SLC23A2: variants seen among roughly 807,000 people sequenced by gnomAD.
SLC23A2 encodes Na(+)/L-ascorbic acid transporter 2.
SLC23A2 carries 36 observed loss-of-function variants against 73.3 expected under a neutral mutation model. The observed-to-expected ratio is 0.49, with a 90% confidence interval of 0.38 to 0.65. The LOEUF is 0.65. Among genes scored for constraint, SLC23A2 ranks in the 30% least tolerant of loss-of-function variants. The pLI, the probability that SLC23A2 is intolerant of heterozygous loss-of-function variation, is 0.00. For missense variants in SLC23A2, 507 were observed against 841.6 expected, an observed-to-expected ratio of 0.60 and a Z score of 4.92; for synonymous variants, 343 against 327.3, an observed-to-expected ratio of 1.05 and a Z score of -0.52.
intron 1 of SLC23A2, among the ~76,000 whole-genome samples, chr20:4,974,336 G>A (rs754412744): frequency 2.0e-5 from 3 of 152,008 alleles, no homozygotes; most frequent in East Asian, 1.9e-4. Context: ...GCATGGTGGC[G>A]CATGCCTGTA....
intron 4 of SLC23A2, 90 bp downstream of exon 4, chr20:4,912,790 G>C: frequency 1.2e-6 from 1 of 827,400 alleles, no homozygotes. Flanking sequence ...ACATGCAAGT[G>C]TCTGAAAGGG....
chr20:4,887,800 C>T (rs1931165010), intron 6 of SLC23A2, among the ~76,000 whole-genome samples: 2 of 152,232 alleles, frequency 1.3e-5, no homozygotes, highest in South Asian at 2.1e-4. Context: ...CCGCCTGACA[C>T]AAGCTGTTAA....
At chr20:4,989,902 G>A (rs970786584) in intron 1 of SLC23A2, among the ~76,000 whole-genome samples, 1 of 152,028 alleles carries the variant, frequency 6.6e-6, no homozygotes, top group Non-Finnish European at 1.5e-5. Flanking sequence ...TAGCAGACAC[G>A]GTGCTATTAC....
chr20:4,971,645 G>T (rs907402920), intron 1 of SLC23A2, among the ~76,000 whole-genome samples: 2 of 150,268 alleles, frequency 1.3e-5, no homozygotes, highest in Admixed American at 6.6e-5. Flanking sequence ...AAATTATCTC[G>T]TCGTGGTGGC....
intron 10 of SLC23A2, 49 bp downstream of exon 10, chr20:4,874,527 T>C: frequency 6.4e-7 from 1 of 1,555,954 alleles, no homozygotes; most frequent in South Asian, 1.2e-5. Flanking sequence ...TCATCTTACA[T>C]ATTAACCAAG....
At chr20:4,977,512 C>G (rs1228406193) in intron 1 of SLC23A2, among the ~76,000 whole-genome samples, 1 of 151,418 alleles carries the variant, frequency 6.6e-6, no homozygotes, top group African/African-American at 2.4e-5. Context: ...CATGGTGAAA[C>G]CCTCCCATCC....
In SLC23A2 at chr20:4,902,105, G is replaced by A. The variant is rs768822546; in HGVS notation, c.324+337C>T. Among the ~76,000 whole-genome samples, 2 of 152,164 alleles carry A rather than the reference G, an allele frequency of 1.3e-5. No homozygotes were observed. The highest frequency in any genetic ancestry group is 2.9e-5 in the Non-Finnish European group (2 of 68,032). ...CAGCTCACTGCAACCTCAACCTCAAGCGATCCTCCTGCCTCAGCCTCTTGA... is the reference window on the plus strand; with the variant it reads ...CAGCTCACTGCAACCTCAACCTCAAACGATCCTCCTGCCTCAGCCTCTTGA... On this transcript the variant is annotated intron_variant, in intron 5 of 16. Transcript: ENST00000338244. This position sits in a 1 kb window ranked among gnomAD's most constrained non-coding sequence, Gnocchi z 4.0.
At chr20:5,000,473 A>C (rs2088100424) in intron 1 of SLC23A2, among the ~76,000 whole-genome samples, 1 of 152,006 alleles carries the variant, frequency 6.6e-6, no homozygotes, top group Non-Finnish European at 1.5e-5. Context: ...CTGCGCGCAG[A>C]TGACCCAATT....
chr20:4,872,705 G>A lies in SLC23A2; in HGVS notation c.1102+1231C>T, dbSNP rs1253866367. Reference sequence around the variant, plus strand: ...TCTTTCTTGGAAAAAGAATAGGTCTGTATAAATGCACACTTAGACCATACA... The same window carrying A: ...TCTTTCTTGGAAAAAGAATAGGTCTATATAAATGCACACTTAGACCATACA... On this transcript the variant is annotated intron_variant, in intron 11 of 16. Coordinates refer to ENST00000338244, the MANE Select transcript of SLC23A2 (RefSeq NM_005116.6). The surrounding 1 kb of genome is among the most constrained non-coding windows in gnomAD (Gnocchi z 4.4). 6.6e-6 allele frequency among the ~76,000 whole-genome samples: 1 copy of A among 152,174 alleles called. No homozygotes were observed. Among genetic ancestry groups the A allele is most frequent in the Non-Finnish European group, 1.5e-5 (1 of 68,040 alleles).
intron 2 of SLC23A2, among the ~76,000 whole-genome samples, chr20:4,950,047 A>C (rs898136774): frequency 2.0e-5 from 3 of 152,186 alleles, no homozygotes; most frequent in Non-Finnish European, 4.4e-5. Flanking sequence ...TAGAAATGCT[A>C]TTTGTGTTAC....
upstream of SLC23A2, among the ~76,000 whole-genome samples, chr20:5,001,720 C>A (rs2088131119): frequency 6.6e-6 from 1 of 151,718 alleles, no homozygotes; most frequent in South Asian, 2.1e-4. Flanking sequence ...CCCTCCCCTG[C>A]GCAGAAAGAT....
At position 4,966,248 on chromosome 20, in the gene SLC23A2, G is replaced by C. The variant is rs1224636456; in HGVS notation, c.-155+4545C>G. On this transcript the variant is annotated intron_variant, in intron 2 of 16. Coordinates refer to ENST00000338244, the MANE Select transcript of SLC23A2 (RefSeq NM_005116.6). Reference sequence around the variant, plus strand: ...ATTTGAAAGGAAAAAGGTGAGGAAGGGGAAGCTTTAGTAGCATCATTCAAG... The same window carrying C: ...ATTTGAAAGGAAAAAGGTGAGGAAGCGGAAGCTTTAGTAGCATCATTCAAG... Among the ~76,000 whole-genome samples, 3 of 152,070 alleles carry C rather than the reference G, an allele frequency of 2.0e-5. No individual in the cohort carries two copies. In the East Asian group the frequency reaches 5.8e-4, roughly 29 times the overall value.
intron 4 of SLC23A2, among the ~76,000 whole-genome samples, chr20:4,906,781 T>C (rs1015307278): frequency 1.4e-4 from 21 of 152,300 alleles, no homozygotes; most frequent in African/African-American, 4.8e-4. Flanking sequence ...GGAATAAATA[T>C]GATACTCATC....
chr20:5,001,737 C>A (rs1039410101), upstream of SLC23A2, among the ~76,000 whole-genome samples: 1 of 151,890 alleles, frequency 6.6e-6, no homozygotes, highest in Non-Finnish European at 1.5e-5. Flanking sequence ...AGATCGCCCC[C>A]CTTCGCGACC....
At chr20:4,878,904 G>A (rs1027552938) in intron 9 of SLC23A2, among the ~76,000 whole-genome samples, 1 of 152,174 alleles carries the variant, frequency 6.6e-6, no homozygotes, top group African/African-American at 2.4e-5. Context: ...CTACAGGCAA[G>A]TCACCATCCC....
intron 1 of SLC23A2, among the ~76,000 whole-genome samples, chr20:4,989,188 G>A (rs1475352555): frequency 6.7e-6 from 1 of 149,342 alleles, no homozygotes; most frequent in Non-Finnish European, 1.5e-5. Context: ...GCAATGAGCC[G>A]AGATCGCTGC....
At chr20:4,964,565 G>C (rs561211925) in intron 2 of SLC23A2, among the ~76,000 whole-genome samples, 2 of 152,276 alleles carry the variant, frequency 1.3e-5, no homozygotes, top group South Asian at 4.1e-4. Flanking sequence ...TAAAACATGG[G>C]TGACTGACGT....
At chr20:4,935,565 A>C (rs1252856538) in intron 2 of SLC23A2, among the ~76,000 whole-genome samples, 1 of 152,044 alleles carries the variant, frequency 6.6e-6, no homozygotes, top group Non-Finnish European at 1.5e-5. Context: ...TTGGGAGGCC[A>C]AGGCAGGCGG....
chr20:4,864,406 G>A (rs1312553211), intron 13 of SLC23A2, among the ~76,000 whole-genome samples: 1 of 152,132 alleles, frequency 6.6e-6, no homozygotes, highest in Non-Finnish European at 1.5e-5. Context: ...GCACATGAGA[G>A]ATGGCTGCCC....
Sources: allele counts gnomAD v4.1 joint callset (sites outside exome capture counted in the v4.1 genomes callset), GRCh38; gene constraint gnomAD v4.1.1; non-coding constraint Gnocchi (gnomAD v3.1); transcripts MANE v1.5; gene names NCBI Gene and HGNC (gene_info 2026-07-23, HGNC 2026-07-21).